Variants in AHDC1 observed in about 807,000 individuals in gnomAD.
AHDC1 encodes the protein transcription factor Gibbin.
Under a neutral mutation model 87.9 loss-of-function variants are expected in AHDC1, and 7 were observed. The ratio of observed to expected loss-of-function variants is 0.08; its 90% CI spans 0.05 to 0.15. AHDC1 has a LOEUF of 0.15. Ranked by LOEUF, AHDC1 falls within the 10% of genes least tolerant of loss-of-function variation. The pLI, the probability that AHDC1 is intolerant of heterozygous loss-of-function variation, is 1.00. For missense variants in AHDC1, 1,841 were observed against 2,253.2 expected, an observed-to-expected ratio of 0.82 and a Z score of 3.70; for synonymous variants, 1,051 against 1,006.8, an observed-to-expected ratio of 1.04 and a Z score of -0.83.
intron 8 of AHDC1, among the ~76,000 whole-genome samples, chr1:27,542,421 G>C (rs528463230): frequency 6.6e-6 from 1 of 152,340 alleles, no homozygotes; most frequent in Admixed American, 6.5e-5. Flanking sequence ...CCGGCTCTAT[G>C]GTCCTGCATG....
In AHDC1 at chr1:27,548,090, G is replaced by A; in HGVS notation, c.4026C>T (p.Asp1342=). ...AFGVGERDPC[D]FIGPYSMNPS... is the part of the protein sequence containing the mutation. ...GGTTCATGGAGTAGGGTCCTATGAA[G>A]TCACAGGGGTCTCGCTCTCCCACGC... The change falls in exon 8 of 9, where the codon GAC becomes GAT. Residue 1342 remains aspartate (D), a synonymous_variant. Coordinates refer to ENST00000673934, the MANE Select transcript of AHDC1 (RefSeq NM_001371928.1). 6.2e-7 allele frequency: 1 copy of A among 1,613,968 alleles called. No individual in the cohort carries two copies. The highest frequency in any genetic ancestry group is 8.5e-7 in the Non-Finnish European group (1 of 1,180,044).
chr1:27,535,129 C>G (rs1406644854), intron 8 of AHDC1, among the ~76,000 whole-genome samples: 1 of 152,114 alleles, frequency 6.6e-6, no homozygotes, highest in Non-Finnish European at 1.5e-5. Context: ...TGTCCAAGCC[C>G]CAAAACACAG....
At chr1:27,575,363 G>C (rs986734579) in intron 3 of AHDC1, among the ~76,000 whole-genome samples, 11 of 152,080 alleles carry the variant, frequency 7.2e-5, no homozygotes, top group African/African-American at 2.4e-4. Flanking sequence ...CGCGCAAGCC[G>C]GGAGGGGCGG....
Position 27,547,637 on chromosome 1 carries a change from G to A in AHDC1, c.4479C>T (p.Gly1493=), listed in dbSNP as rs1414986918. The change falls in exon 8 of 9, where the codon GGC becomes GGT. Residue 1493 remains glycine (G), a synonymous_variant. Coordinates refer to ENST00000673934, the MANE Select transcript of AHDC1 (RefSeq NM_001371928.1). This position sits in a 1 kb window ranked among gnomAD's most constrained non-coding sequence, Gnocchi z 4.9. ...VGTGLLADFL[G]RTEAACLSAP... ...CACTGAGGCACGCGGCCTCCGTCCT[G>A]CCCAGGAAGTCAGCCAGCAGCCCTG... is the stretch of plus-strand genomic sequence containing the variant. The A allele has an allele frequency of 3.1e-6, 5 of 1,599,430 alleles. No individual in the cohort carries two copies. The highest frequency in any genetic ancestry group is 1.1e-5 in the South Asian group (1 of 89,526).
chr1:27,544,567 C>T (rs2019080697), intron 8 of AHDC1, among the ~76,000 whole-genome samples: 1 of 152,192 alleles, frequency 6.6e-6, no homozygotes, highest in Non-Finnish European at 1.5e-5. Context: ...GGTGAATGAG[C>T]GTGTCCTTGT....
chr1:27,586,381 A>G (rs1415571030), intron 3 of AHDC1, among the ~76,000 whole-genome samples: 1 of 152,066 alleles, frequency 6.6e-6, no homozygotes, highest in Non-Finnish European at 1.5e-5. Context: ...CAGGCCTCCA[A>G]GGACCTCCCT....
rs1352488223 is a variant in AHDC1, at chr1:27,561,036, G to A, written c.-628-2153C>T. Among the ~76,000 whole-genome samples, 3 of 152,154 alleles carry A rather than the reference G, an allele frequency of 2.0e-5. No individual in the cohort carries two copies. The highest frequency in any genetic ancestry group is 4.4e-5 in the Non-Finnish European group (3 of 68,016). On this transcript the variant is annotated intron_variant, in intron 3 of 8. Transcript: ENST00000673934. This position sits in a 1 kb window ranked among gnomAD's most constrained non-coding sequence, Gnocchi z 4.2. Reference sequence around the variant, plus strand: ...TAGGGACAATTTATCCACAGGCAGAGAAGGAGAATTCCAACCTGCCAGAGC... The same window carrying A: ...TAGGGACAATTTATCCACAGGCAGAAAAGGAGAATTCCAACCTGCCAGAGC...
chr1:27,564,254 T>C (rs1557681087), intron 3 of AHDC1, among the ~76,000 whole-genome samples: 1 of 152,122 alleles, frequency 6.6e-6, no homozygotes, highest in South Asian at 2.1e-4. Context: ...TGGGTGACCT[T>C]GGAGCAGCAG....
Position 27,558,488 on chromosome 1 carries a change from G to T in AHDC1, c.-408C>A. ...GCGCAGGGAAGAGTCCTCAGGCTAG[G>T]AGGTAGGACTCACTGTATATCCATG... On this transcript the variant is annotated 5_prime_UTR_variant, in exon 5 of 9. Coordinates refer to ENST00000673934, the MANE Select transcript of AHDC1 (RefSeq NM_001371928.1). The surrounding 1 kb of genome is among the most constrained non-coding windows in gnomAD (Gnocchi z 5.6). 1 of 344,922 alleles carries T rather than the reference G, an allele frequency of 2.9e-6. No homozygotes were observed. The highest frequency in any genetic ancestry group is 7.3e-4 in the Middle Eastern group (1 of 1,364). 21.4% of individuals were successfully genotyped at this position (344,922 alleles called of 1,614,324 possible).
intron 3 of AHDC1, among the ~76,000 whole-genome samples, chr1:27,600,318 C>G (rs1236554328): frequency 1.3e-5 from 2 of 152,042 alleles, no homozygotes; most frequent in Non-Finnish European, 2.9e-5. Flanking sequence ...GACCCAGAGA[C>G]AGAGCTGGGC....
intron 8 of AHDC1, among the ~76,000 whole-genome samples, chr1:27,541,634 T>TTC (rs2018925211): frequency 6.7e-6 from 1 of 149,406 alleles, no homozygotes; most frequent in African/African-American, 2.5e-5. Context: ...GGAGGTTTTT[T>TTC]TTTTTTTTTT....
At chr1:27,601,656 C>T (rs1490843246) in intron 3 of AHDC1, among the ~76,000 whole-genome samples, 1 of 152,250 alleles carries the variant, frequency 6.6e-6, no homozygotes, top group African/African-American at 2.4e-5. Flanking sequence ...AGGGAGATGG[C>T]AAGCAGCATG....
chr1:27,568,853 G>A (rs1187488814), intron 3 of AHDC1, among the ~76,000 whole-genome samples: 1 of 151,908 alleles, frequency 6.6e-6, no homozygotes, highest in Admixed American at 6.5e-5. Context: ...GCCCAGCCTG[G>A]GGCTGGACGC....
At chr1:27,585,183 G>A (rs571695298) in intron 3 of AHDC1, among the ~76,000 whole-genome samples, 13 of 149,300 alleles carry the variant, frequency 8.7e-5, no homozygotes, top group Admixed American at 4.0e-4. Context: ...ACCCTGGGAA[G>A]TCGAGGCTGC....
rs2019934063 is a variant in AHDC1, at chr1:27,558,689, T to C, written c.-451+17A>G. On this transcript the variant is annotated intron_variant, in intron 4 of 8. Coordinates refer to ENST00000673934, the MANE Select transcript of AHDC1 (RefSeq NM_001371928.1). This position sits in a 1 kb window ranked among gnomAD's most constrained non-coding sequence, Gnocchi z 5.6. ...GGGTGGCCCAGGCCCAAGCCTGACT[T>C]CCCTGCACACTGTTACCTGAGCAGG... The C allele has an allele frequency of 2.5e-6, 1 of 398,428 alleles. No homozygotes were observed. Among genetic ancestry groups the C allele is most frequent in the Admixed American group, 4.4e-5 (1 of 22,708 alleles). 24.7% of individuals were successfully genotyped at this position (398,428 alleles called of 1,614,324 possible).
At chr1:27,538,110 GA>G (rs903644602) in intron 8 of AHDC1, among the ~76,000 whole-genome samples, 1 of 152,000 alleles carries the variant, frequency 6.6e-6, no homozygotes, top group African/African-American at 2.4e-5. Context: ...AGGCAAAAAA[GA>G]GTGCATGAGG....
At chr1:27,583,577 C>A (rs2088968334) in intron 3 of AHDC1, among the ~76,000 whole-genome samples, 1 of 152,102 alleles carries the variant, frequency 6.6e-6, no homozygotes. Context: ...TTCCCCCTGT[C>A]CCTCTCCTGG....
intron 3 of AHDC1, among the ~76,000 whole-genome samples, chr1:27,585,895 C>A (rs1271346670): frequency 6.6e-6 from 1 of 152,212 alleles, no homozygotes; most frequent in African/African-American, 2.4e-5. Flanking sequence ...CTCTGAGCCT[C>A]AGCCATCTCC....
chr1:27,576,587 C>T (rs1386812691), intron 3 of AHDC1, among the ~76,000 whole-genome samples: 1 of 152,196 alleles, frequency 6.6e-6, no homozygotes, highest in Non-Finnish European at 1.5e-5. Flanking sequence ...ATGTCAGAGC[C>T]TAAAGTCAGA....
Sources: gnomAD v4.1 joint callset for allele counts (sites outside exome capture counted in the v4.1 genomes callset) on GRCh38, gnomAD v4.1.1 for gene constraint, Gnocchi (gnomAD v3.1) non-coding constraint, MANE v1.5 for transcripts, NCBI Gene and HGNC (gene_info 2026-07-23, HGNC 2026-07-21) for gene names.